FAM240B: variants seen among roughly 807,000 people sequenced by gnomAD.
FAM240B encodes protein FAM240B.
At chr9:38,698,938 G>A (rs912438492) in intron 2 of FAM240B, among the ~76,000 whole-genome samples, 3 of 152,160 alleles carry the variant, frequency 2.0e-5, no homozygotes, top group Non-Finnish European at 4.4e-5. Flanking sequence ...GTAAACCGGT[G>A]AATAAAAATT....
intron 1 of FAM240B, among the ~76,000 whole-genome samples, chr9:38,719,195 A>G (rs1821344282): frequency 6.6e-6 from 1 of 152,186 alleles, no homozygotes; most frequent in Non-Finnish European, 1.5e-5. Flanking sequence ...AGGCTTTAGC[A>G]AAAGGAGACT....
chr9:38,706,785 T>G (rs1821196489), intron 1 of FAM240B, among the ~76,000 whole-genome samples: 1 of 152,244 alleles, frequency 6.6e-6, no homozygotes, highest in Non-Finnish European at 1.5e-5. Flanking sequence ...TCACTTATTT[T>G]CTTTCCCAGG....
At chr9:38,715,143 G>C (rs1300701855) in intron 1 of FAM240B, among the ~76,000 whole-genome samples, 2 of 152,172 alleles carry the variant, frequency 1.3e-5, no homozygotes, top group African/African-American at 4.8e-5. Flanking sequence ...AAGGAGCATT[G>C]TTTGCCTGAG....
chr9:38,719,355 G>C (rs1014762553), intron 1 of FAM240B, among the ~76,000 whole-genome samples: 1 of 151,804 alleles, frequency 6.6e-6, no homozygotes, highest in Non-Finnish European at 1.5e-5. Context: ...TCCAACAGCA[G>C]TTCTTAAGTT....
Position 38,714,999 on chromosome 9 carries a change from T to C in FAM240B, c.-4+5023A>G, listed in dbSNP as rs191036479. On this transcript the variant is annotated intron_variant, in intron 1 of 2. Coordinates refer to ENST00000637493, the MANE Select transcript of FAM240B (RefSeq NM_001394922.1). ...ACCATGGCTACGTAAGATGTTAATA[T>C]TAGAGAAAGCTAGGTGACAGGTATA... Among the ~76,000 whole-genome samples, 13 of 152,364 alleles carry C rather than the reference T, an allele frequency of 8.5e-5. No individual in the cohort carries two copies. The East Asian group carries it at 1.5e-3, about 18-fold the overall frequency.
intron 1 of FAM240B, among the ~76,000 whole-genome samples, chr9:38,711,743 G>T (rs532416192): frequency 1.4e-5 from 2 of 144,796 alleles, no homozygotes; most frequent in East Asian, 4.3e-4. Context: ...TGTAACCTCC[G>T]CCTCCAGGGT....
At chr9:38,710,443 G>T (rs1252455481) in intron 1 of FAM240B, among the ~76,000 whole-genome samples, 1 of 152,118 alleles carries the variant, frequency 6.6e-6, no homozygotes, top group Non-Finnish European at 1.5e-5. Context: ...AGTTATTCTG[G>T]TTATTTTTAT....
chr9:38,718,472 C>G (rs1487534566), intron 1 of FAM240B, among the ~76,000 whole-genome samples: 1 of 152,118 alleles, frequency 6.6e-6, no homozygotes, highest in Non-Finnish European at 1.5e-5. Flanking sequence ...AATGAAAAGA[C>G]AAGCACAGGT....
chr9:38,715,928 CCACTG>C (rs1821299281), intron 1 of FAM240B, among the ~76,000 whole-genome samples: 1 of 152,150 alleles, frequency 6.6e-6, no homozygotes, highest in Admixed American at 6.5e-5. Flanking sequence ...TTACTGTTAA[CCACTG>C]CAGTTTTATT....
chr9:38,719,019 T>C (rs893759868), intron 1 of FAM240B, among the ~76,000 whole-genome samples: 3 of 152,330 alleles, frequency 2.0e-5, no homozygotes, highest in South Asian at 4.1e-4. Context: ...TACAGGTTCA[T>C]TGAGGTCCAT....
At chr9:38,699,540 T>G (rs1364671726) in intron 2 of FAM240B, among the ~76,000 whole-genome samples, 1 of 152,194 alleles carries the variant, frequency 6.6e-6, no homozygotes, top group African/African-American at 2.4e-5. Flanking sequence ...AAGCTTGAGC[T>G]GGGCTGGTGG....
At chr9:38,705,113 G>A (rs561574985) in intron 1 of FAM240B, among the ~76,000 whole-genome samples, 3 of 152,350 alleles carry the variant, frequency 2.0e-5, no homozygotes, top group Admixed American at 2.0e-4. Flanking sequence ...ACAAATGCCT[G>A]CACAACAGAT....
rs78083274 is a variant in FAM240B at position 38,706,625 on chromosome 9, C to G, written c.-3-2623G>C. The stretch of plus-strand genomic sequence containing the variant: ...TGAGCGTGGATTGCTTTTCTGCTTT[C>G]TGGGTAAGGGAAACGCTCACATCCA... On this transcript the variant is annotated intron_variant, in intron 1 of 2. Coordinates refer to ENST00000637493, the MANE Select transcript of FAM240B (RefSeq NM_001394922.1). 6.1e-3 allele frequency among the ~76,000 whole-genome samples: 929 copies of G among 152,278 alleles called. 9 individuals carry two copies. The highest frequency in any genetic ancestry group is 0.021 in the African/African-American group (876 of 41,556).
intron 1 of FAM240B, among the ~76,000 whole-genome samples, chr9:38,707,074 G>T (rs75412824): frequency 0.011 from 1,601 of 152,292 alleles, 24 homozygotes; most frequent in African/African-American, 0.036. Flanking sequence ...ATGTAAGTAT[G>T]CAGAAGGTAA....
chr9:38,719,707 C>A (rs1821349876), intron 1 of FAM240B, among the ~76,000 whole-genome samples: 1 of 152,162 alleles, frequency 6.6e-6, no homozygotes, highest in East Asian at 1.9e-4. Context: ...TGAGACATAT[C>A]TTTATTTTGG....
chr9:38,704,438 T>C (rs921137924), intron 1 of FAM240B, among the ~76,000 whole-genome samples: 6 of 152,228 alleles, frequency 3.9e-5, no homozygotes, highest in Non-Finnish European at 7.3e-5. Context: ...TTCATTGATG[T>C]ATTTTTAAAA....
intron 2 of FAM240B, among the ~76,000 whole-genome samples, chr9:38,699,337 C>A (rs191994258): frequency 3.7e-3 from 570 of 152,296 alleles, no homozygotes; most frequent in Non-Finnish European, 6.9e-3. Context: ...ATGCTAGGCA[C>A]TAAACATATG....
rs1554689088 is a variant in FAM240B, at chr9:38,720,041, G to GAAC, written c.-24_-23insGTT. 2.4e-4 allele frequency: 37 copies of GAAC among 151,636 alleles called. No individual in the cohort carries two copies. Among genetic ancestry groups the GAAC allele is most frequent in the African/African-American group, 8.7e-4 (36 of 41,322 alleles). 9.4% of individuals were successfully genotyped at this position (151,636 alleles called of 1,614,324 possible). A position where few individuals can be genotyped will look rare whatever the true frequency, so the allele number is the denominator to read the frequency against. The stretch of plus-strand genomic sequence containing the variant: ...CTGTACCTTAAAGATGAATTTGCAG[G>GAAC]TGATACCCGGCTAGGGTGCAAAGGA... On this transcript the variant is annotated 5_prime_UTR_variant, in exon 1 of 3. Coordinates refer to ENST00000637493, the MANE Select transcript of FAM240B (RefSeq NM_001394922.1).
chr9:38,708,805 CTTTAG>C (rs1203746560), intron 1 of FAM240B, among the ~76,000 whole-genome samples: 1 of 152,176 alleles, frequency 6.6e-6, no homozygotes, highest in Non-Finnish European at 1.5e-5. Flanking sequence ...GTCTCCTTGT[CTTTAG>C]TTTATACGTG....
Sources: gnomAD v4.1 joint callset for allele counts (sites outside exome capture counted in the v4.1 genomes callset) on GRCh38, gnomAD v4.1.1 for gene constraint, MANE v1.5 for transcripts, NCBI Gene and HGNC (gene_info 2026-07-23, HGNC 2026-07-21) for gene names.